MED17: variants seen among roughly 807,000 people sequenced by gnomAD.
MED17 encodes the protein mediator of RNA polymerase II transcription subunit 17.
MED17 carries 49 observed loss-of-function variants against 80.8 expected under a neutral mutation model. The ratio of observed to expected loss-of-function variants is 0.61; its 90% CI spans 0.48 to 0.77. The LOEUF (loss-of-function observed/expected upper bound fraction) is 0.77, where lower values mean the gene tolerates loss of function less well. Ranked by LOEUF, MED17 falls within the 30% of genes least tolerant of loss-of-function variation. The pLI, the probability that MED17 is intolerant of heterozygous loss-of-function variation, is 0.00. For missense variants in MED17, 718 were observed against 787.0 expected (o/e 0.91, Z 1.05); for synonymous variants, 281 against 280.4 (o/e 1.00, Z -0.02).
At chr11:93,790,230 TTA>T (rs1033281589) in intron 2 of MED17, 2 of 392,246 alleles carry the variant, frequency 5.1e-6, no homozygotes, top group African/African-American at 4.2e-5. Flanking sequence ...GCCAAAAAGG[TTA>T]TATATAACTA....
intron 3 of MED17, 86 bp from the exon 4 acceptor site, chr11:93,793,642 G>A (rs1943867118): frequency 1.0e-6 from 1 of 999,268 alleles, no homozygotes; most frequent in Non-Finnish European, 1.6e-6. Context: ...TCAGTGATGT[G>A]GATGTGAAGT....
At chr11:93,810,647 T>C in intron 11 of MED17, 1 of 152,474 alleles carries the variant, frequency 6.6e-6, no homozygotes, top group Non-Finnish European at 1.5e-5. Flanking sequence ...TGCCTCGGCC[T>C]CCCAAAGCGC....
intron 8 of MED17, among the ~76,000 whole-genome samples, chr11:93,798,534 A>T (rs1319209356): frequency 2.0e-5 from 3 of 152,138 alleles, no homozygotes. Flanking sequence ...GTAGTCTTAA[A>T]GTGGAAATTT....
chr11:93,805,074 T>C lies in MED17; in HGVS notation c.1467-2444T>C, dbSNP rs114541574. Among the ~76,000 whole-genome samples the C allele has an allele frequency of 1.6e-3, 245 of 152,334 alleles. 1 individual carries two copies. Among genetic ancestry groups the C allele is most frequent in the African/African-American group, 5.6e-3 (231 of 41,560 alleles). The stretch of plus-strand genomic sequence containing the variant: ...TGCAGACAAGACACATAATGAATAA[T>C]TTATTGCTCAGTAGTCATATATGAG... On this transcript the variant is annotated intron_variant, in intron 9 of 11. Coordinates refer to ENST00000251871, the MANE Select transcript of MED17 (RefSeq NM_004268.5).
At chr11:93,785,030 C>T (rs1943754258) in intron 1 of MED17, 2 of 575,922 alleles carry the variant, frequency 3.5e-6, no homozygotes, top group South Asian at 4.1e-5. Flanking sequence ...GAATGCTTCT[C>T]TGTAGAGGGC....
At chr11:93,795,750 C>T (rs1373124657) in intron 6 of MED17, 2 of 153,642 alleles carry the variant, frequency 1.3e-5, no homozygotes, top group Non-Finnish European at 2.9e-5. Flanking sequence ...GAAATTCCAT[C>T]CTACTTCTCA....
At position 93,795,022 on chromosome 11, in the gene MED17, T is replaced by C; in HGVS notation, c.974T>C (p.Ile325Thr). 1 of 1,614,180 alleles carries C rather than the reference T, an allele frequency of 6.2e-7. No homozygotes were observed. Residue 325 changes from isoleucine to threonine, a missense_variant, in exon 6 of 12, where the codon ATT (isoleucine) becomes ACT (threonine). Physicochemically the swap from Ile to Thr is moderately conservative, Grantham distance 89. Coordinates refer to ENST00000251871, the MANE Select transcript of MED17 (RefSeq NM_004268.5). ...AVQIKSQVPHIVVKNQIISQP... is the reference protein window; with the variant it reads ...AVQIKSQVPHTVVKNQIISQP... ...CAAATTAAATCACAAGTCCCTCACA[T>C]TGTGGTGAAAAACCAGATTATCTCT...
intron 9 of MED17, among the ~76,000 whole-genome samples, chr11:93,805,913 A>G (rs758225115): frequency 2.0e-5 from 3 of 149,776 alleles, no homozygotes; most frequent in East Asian, 4.0e-4. Flanking sequence ...GCAGTGCGCT[A>G]TGATGGCACC....
intron 1 of MED17, 57 bp downstream of exon 1, chr11:93,784,820 G>T: frequency 6.5e-7 from 1 of 1,529,072 alleles, no homozygotes; most frequent in Non-Finnish European, 8.7e-7. Context: ...ACCCGCGCGG[G>T]CCTCCGCCTC....
intron 6 of MED17, chr11:93,796,192 C>A: frequency 2.0e-6 from 1 of 494,512 alleles, no homozygotes. Flanking sequence ...ACCTTGTGAT[C>A]CACCCACCTT....
chr11:93,787,367 C>T (rs1208178050), intron 1 of MED17, among the ~76,000 whole-genome samples: 3 of 151,650 alleles, frequency 2.0e-5, no homozygotes, highest in East Asian at 1.9e-4. Context: ...GAGCTGAGAT[C>T]GCGCTACTGC....
chr11:93,796,874 T>G, intron 7 of MED17: 2 of 337,528 alleles, frequency 5.9e-6, no homozygotes, highest in Middle Eastern at 1.0e-3. Context: ...TAGTTTTATT[T>G]TAGGACATGT....
At chr11:93,810,061 A>C (rs1210604462) in intron 11 of MED17, 185 bp downstream of exon 11, 3 of 629,016 alleles carry the variant, frequency 4.8e-6, no homozygotes, top group Non-Finnish European at 8.3e-6. Context: ...TTCTCTTTCT[A>C]GTAATTATAA....
intron 9 of MED17, among the ~76,000 whole-genome samples, chr11:93,803,999 G>GTATATATATATATATATA (rs1166820708): frequency 1.5e-4 from 4 of 27,132 alleles, no homozygotes; most frequent in South Asian, 3.1e-3. Context: ...ATATGTGTGT[G>GTATATATATATATATATA]TATATATATA....
chr11:93,796,883 G>C (rs1591386299), intron 7 of MED17: 1 of 331,418 alleles, frequency 3.0e-6, no homozygotes, highest in African/African-American at 2.1e-5. Flanking sequence ...TTTAGGACAT[G>C]TTCTACTTAC....
At chr11:93,803,468 C>T (rs1370342446) in intron 9 of MED17, among the ~76,000 whole-genome samples, 1 of 151,994 alleles carries the variant, frequency 6.6e-6, no homozygotes, top group East Asian at 1.9e-4. Flanking sequence ...AGTTTTCTTC[C>T]CCTTATCTAA....
intron 5 of MED17, 149 bp from the exon 6 acceptor site, chr11:93,794,759 A>G (rs1591385242): frequency 1.2e-6 from 1 of 822,296 alleles, no homozygotes; most frequent in East Asian, 2.7e-5. Flanking sequence ...AATTTTTGAC[A>G]GTCTCTATAG....
rs1288501018 is a variant in MED17 at position 93,801,978 on chromosome 11, T to A, written c.1466+6T>A. On this transcript the variant is annotated splice_donor_region_variant and intron_variant, in intron 9 of 11. Transcript: ENST00000251871. ...GGCTATGAACAAATATGCAAGTAAG[T>A]GGCCAAAATAAAAGTTTTGTATTTA... The A allele has an allele frequency of 6.2e-7, 1 of 1,610,424 alleles. No individual in the cohort carries two copies. Among genetic ancestry groups the A allele is most frequent in the Non-Finnish European group, 8.5e-7 (1 of 1,178,564 alleles).
intron 10 of MED17, chr11:93,809,176 A>G (rs1276158261): frequency 4.7e-6 from 1 of 212,938 alleles, no homozygotes; most frequent in East Asian, 1.1e-4. Context: ...AGAGTCGTGT[A>G]GAACAGTCCA....
Sources: allele counts gnomAD v4.1 joint callset (sites outside exome capture counted in the v4.1 genomes callset), GRCh38; gene constraint gnomAD v4.1.1; transcripts MANE v1.5; gene names NCBI Gene and HGNC (gene_info 2026-07-23, HGNC 2026-07-21).